Variants in TRIM37 observed in about 807,000 individuals in gnomAD.
TRIM37 encodes the protein E3 ubiquitin-protein ligase TRIM37.
A neutral mutation model predicts 129.8 loss-of-function variants in TRIM37; 80 were observed. The ratio of observed to expected loss-of-function variants is 0.62; its 90% CI spans 0.51 to 0.74. The LOEUF is 0.74. Ranked by LOEUF, TRIM37 falls within the 30% of genes least tolerant of loss-of-function variation. The pLI is 0.00. For missense variants in TRIM37, 1,054 were observed against 1,176.5 expected (o/e 0.90, Z 1.52); for synonymous variants, 389 against 387.1 (o/e 1.00, Z -0.06).
At chr17:59,056,469 C>T (rs564877337) in intron 13 of TRIM37, among the ~76,000 whole-genome samples, 72 of 152,090 alleles carry the variant, frequency 4.7e-4, no homozygotes, top group Admixed American at 1.6e-3. Flanking sequence ...GTGGCTCACG[C>T]CTGTAATCCC....
At chr17:59,076,310 G>GC (rs1419963504) in intron 7 of TRIM37, among the ~76,000 whole-genome samples, 4 of 152,220 alleles carry the variant, frequency 2.6e-5, no homozygotes, top group Non-Finnish European at 5.9e-5. Context: ...GGAGGCCAAA[G>GC]CAAGAGGATA....
At chr17:59,057,588 G>T (rs532650276) in intron 12 of TRIM37, among the ~76,000 whole-genome samples, 305 of 152,046 alleles carry the variant, frequency 2.0e-3, no homozygotes, top group African/African-American at 6.8e-3. Flanking sequence ...CAGTGGCGGG[G>T]TCTCAGCTCA....
chr17:59,089,781 G>C (rs189288698), intron 3 of TRIM37, among the ~76,000 whole-genome samples: 94 of 152,282 alleles, frequency 6.2e-4, no homozygotes, highest in African/African-American at 2.2e-3. Context: ...AGTTCTACTT[G>C]ATAATGCTGG....
chr17:59,087,514 C>T (rs959813217), intron 4 of TRIM37, among the ~76,000 whole-genome samples: 1 of 147,074 alleles, frequency 6.8e-6, no homozygotes, highest in Non-Finnish European at 1.5e-5. Context: ...GTTACCTAAG[C>T]CATCCTCTGG....
At chr17:59,046,741 C>T (rs924457008) in intron 16 of TRIM37, among the ~76,000 whole-genome samples, 32 of 149,932 alleles carry the variant, frequency 2.1e-4, no homozygotes, top group African/African-American at 7.5e-4. Flanking sequence ...GGGGTTTCAC[C>T]GTGTTAGCCA....
At chr17:59,051,025 A>G (rs540407779) in intron 14 of TRIM37, among the ~76,000 whole-genome samples, 189 bp downstream of exon 14, 41 of 152,300 alleles carry the variant, frequency 2.7e-4, no homozygotes, top group African/African-American at 9.6e-4. Context: ...ACATGGCCGT[A>G]TGTGGCTAGT....
chr17:59,097,245 T>C (rs1599559975), intron 2 of TRIM37, among the ~76,000 whole-genome samples: 1 of 152,180 alleles, frequency 6.6e-6, no homozygotes, highest in African/African-American at 2.4e-5. Context: ...TGCCAGCTTT[T>C]ACCATTTCTA....
intron 2 of TRIM37, among the ~76,000 whole-genome samples, chr17:59,101,860 A>C (rs554491404): frequency 3.5e-4 from 52 of 150,558 alleles, no homozygotes; most frequent in African/African-American, 1.2e-3. Flanking sequence ...AATCTCTTGA[A>C]CCTGGGAGGC....
chr17:59,102,060 T>A (rs181305171), intron 2 of TRIM37, among the ~76,000 whole-genome samples: 140 of 152,088 alleles, frequency 9.2e-4, no homozygotes, highest in African/African-American at 3.3e-3. Flanking sequence ...ATATGAATAA[T>A]CTGATCTTGA....
At chr17:59,015,213 G>A (rs898217820) in intron 21 of TRIM37, among the ~76,000 whole-genome samples, 12 of 152,186 alleles carry the variant, frequency 7.9e-5, no homozygotes, top group South Asian at 2.1e-4. Flanking sequence ...TGAGGTGGGC[G>A]TATCACTTGA....
At chr17:59,014,878 A>T (rs966678610) in intron 21 of TRIM37, among the ~76,000 whole-genome samples, 2 of 151,294 alleles carry the variant, frequency 1.3e-5, no homozygotes, top group Non-Finnish European at 2.9e-5. Flanking sequence ...ATCTCTTGAG[A>T]CCATGGTGAA....
chr17:59,019,553 C>T (rs962352838), intron 19 of TRIM37, among the ~76,000 whole-genome samples: 2 of 152,052 alleles, frequency 1.3e-5, no homozygotes, highest in African/African-American at 4.8e-5. Flanking sequence ...ACTAAAAATA[C>T]AAAAGTTAGC....
At chr17:59,047,373 C>T (rs1424245401) in intron 16 of TRIM37, among the ~76,000 whole-genome samples, 1 of 152,034 alleles carries the variant, frequency 6.6e-6, no homozygotes, top group Non-Finnish European at 1.5e-5. Context: ...TATTCGATCT[C>T]AAGTGTTTCA....
chr17:59,052,092 A>G (rs1467976720), intron 13 of TRIM37, among the ~76,000 whole-genome samples: 1 of 152,124 alleles, frequency 6.6e-6, no homozygotes, highest in Non-Finnish European at 1.5e-5. Context: ...AGCAATCAAA[A>G]CTGCCCTTAT....
intron 1 of TRIM37, 74 bp downstream of exon 1, chr17:59,106,367 G>A: frequency 1.3e-6 from 2 of 1,593,296 alleles, no homozygotes; most frequent in Non-Finnish European, 8.6e-7. Context: ...GGAGGACATG[G>A]GCACGACTCC....
chr17:59,073,090 T>C (rs1218239854), intron 8 of TRIM37: 1 of 152,208 alleles, frequency 6.6e-6, no homozygotes, highest in African/African-American at 2.4e-5. Flanking sequence ...AATTGAATGC[T>C]TACTGTGTAT....
At chr17:59,051,474 T>G (rs2146201585) in intron 13 of TRIM37, 146 bp from the exon 14 acceptor site, 1 of 681,442 alleles carries the variant, frequency 1.5e-6, no homozygotes, top group East Asian at 2.7e-5. Context: ...TGTTTATAGA[T>G]GTAGTCCACA....
At chr17:58,984,099 T>C (rs1326858003) in intron 24 of TRIM37, 1 of 152,656 alleles carries the variant, frequency 6.6e-6, no homozygotes, top group Admixed American at 6.5e-5. Context: ...ACCTTTTCTT[T>C]ACCTAGAAGT....
intron 4 of TRIM37, among the ~76,000 whole-genome samples, chr17:59,086,818 G>A (rs995476930): frequency 6.6e-6 from 1 of 152,076 alleles, no homozygotes; most frequent in East Asian, 1.9e-4. Context: ...GAGGCCAGTA[G>A]GCATCAAACA....
Sources: allele counts gnomAD v4.1 joint callset (sites outside exome capture counted in the v4.1 genomes callset), GRCh38; gene constraint gnomAD v4.1.1; transcripts MANE v1.5; gene names NCBI Gene and HGNC (gene_info 2026-07-23, HGNC 2026-07-21).